The following KLF16 variants were observed in gnomAD, a reference collection of about 807,000 sequenced individuals.
KLF16 encodes the protein KLF transcription factor 16, also known as Krueppel-like factor 16.
In KLF16, 6 loss-of-function variants were observed where a neutral mutation model predicts 6.1. The ratio of observed to expected loss-of-function variants is 0.98; its 90% confidence interval spans 0.54 to 1.93. The LOEUF is 1.93. Among genes scored for constraint, KLF16 ranks in the 30% most tolerant of loss-of-function variants. KLF16 has a pLI of 0.01. For missense variants in KLF16, 355 were observed against 363.8 expected, an observed-to-expected ratio of 0.98 and a Z score of 0.20; for synonymous variants, 211 against 176.5, an observed-to-expected ratio of 1.20 and a Z score of -1.55.
chr19:1,862,760 G>A (rs1248259891), intron 1 of KLF16: 2 of 369,144 alleles, frequency 5.4e-6, no homozygotes, highest in Non-Finnish European at 9.6e-6. Context: ...GGAGAGAGGT[G>A]GTCTGCCCAG....
chr19:1,859,801 G>C (rs2012026723), intron 1 of KLF16, among the ~76,000 whole-genome samples: 1 of 152,172 alleles, frequency 6.6e-6, no homozygotes, highest in Admixed American at 6.5e-5. Flanking sequence ...TTCAGAGTGG[G>C]ATACAACTGG....
chr19:1,873,215 G>T, the KLF16 span, among the ~76,000 whole-genome samples: 18 of 152,182 alleles, frequency 1.2e-4, no homozygotes, highest in African/African-American at 4.1e-4. Context: ...CAGCCACAGC[G>T]TCATAAGAGC....
chr19:1,868,485 T>A (rs1423326419), upstream of KLF16, among the ~76,000 whole-genome samples: 28 of 78,028 alleles, frequency 3.6e-4, 2 homozygotes, highest in African/African-American at 5.6e-4. Flanking sequence ...TTTTTTTTTT[T>A]TTTTTTTTTT....
At chr19:1,855,448 G>A (rs1336257414) in intron 1 of KLF16, among the ~76,000 whole-genome samples, 1 of 152,110 alleles carries the variant, frequency 6.6e-6, no homozygotes, top group Non-Finnish European at 1.5e-5. Context: ...CCCGGGAAGG[G>A]GCGGGGCCCG....
chr19:1,854,454 G>C lies in KLF16; in HGVS notation c.*5C>G, dbSNP rs1217899070. On this transcript the variant is annotated 3_prime_UTR_variant, in exon 2 of 2. Coordinates refer to ENST00000250916, the MANE Select transcript of KLF16 (RefSeq NM_031918.4). The stretch of plus-strand genomic sequence containing the variant: ...CTGGCGGTCAGGGTGGGCTGCACGA[G>C]GGCCCTACAGGCCTGCGGGGGCTGG... 2.1e-6 allele frequency: 3 copies of C among 1,399,044 alleles called. No individual in the cohort carries two copies. The highest frequency in any genetic ancestry group is 3.6e-5 in the Admixed American group (1 of 28,020). The allele number at this position is 1,399,044 out of a possible 1,614,324, so 86.7% of individuals were successfully genotyped here.
At chr19:1,874,356 A>G in the KLF16 span, among the ~76,000 whole-genome samples, 4 of 152,212 alleles carry the variant, frequency 2.6e-5, no homozygotes, top group African/African-American at 9.7e-5. Context: ...CCATAAAGAC[A>G]GCACTTCAGT....
At chr19:1,872,168 T>C in the KLF16 span, among the ~76,000 whole-genome samples, 1 of 152,160 alleles carries the variant, frequency 6.6e-6, no homozygotes, top group African/African-American at 2.4e-5. Context: ...TCTTGCTGTG[T>C]TGCCCAGGCT....
chr19:1,867,454 G>A (rs1177172652), upstream of KLF16, among the ~76,000 whole-genome samples: 1 of 152,200 alleles, frequency 6.6e-6, no homozygotes, highest in Non-Finnish European at 1.5e-5. Flanking sequence ...GCACGCCTGT[G>A]GTCCCAGCTC....
At chr19:1,862,892 A>G (rs2012097704) in intron 1 of KLF16, 149 bp downstream of exon 1, 1 of 208,468 alleles carries the variant, frequency 4.8e-6, no homozygotes, top group African/African-American at 2.6e-5. Flanking sequence ...CGCCCCACCC[A>G]CCGAGGCCCC....
At chr19:1,864,532 C>T (rs1053147589), upstream of KLF16, among the ~76,000 whole-genome samples, 1 of 152,102 alleles carries the variant, frequency 6.6e-6, no homozygotes, top group Admixed American at 6.5e-5. Flanking sequence ...CCGGTTGGGT[C>T]CCAGAGGGTC....
At chr19:1,869,420 C>T in the KLF16 span, among the ~76,000 whole-genome samples, 1 of 152,114 alleles carries the variant, frequency 6.6e-6, no homozygotes, top group Admixed American at 6.5e-5. Flanking sequence ...GCGGAGGTTG[C>T]AGTGAACCAA....
At chr19:1,874,831 A>G in the KLF16 span, 3 of 151,036 alleles carry the variant, frequency 2.0e-5, no homozygotes, top group Non-Finnish European at 4.4e-5. Context: ...GCACCTAGAA[A>G]CCACCACCAT....
At position 1,852,748 on chromosome 19, in the gene KLF16, C is replaced by T. The variant is rs960877196; in HGVS notation, c.*1711G>A. ...CACCCCCACAGACTAAGGCATCTCA[C>T]TAGCGCTGCCAGAAGAGGGTTTGAG... On this transcript the variant is annotated 3_prime_UTR_variant, in exon 2 of 2. Transcript: ENST00000250916. 6.6e-6 allele frequency: 1 copy of T among 152,132 alleles called. No homozygotes were observed. Among genetic ancestry groups the T allele is most frequent in the Non-Finnish European group, 1.5e-5 (1 of 68,134 alleles). The allele number at this position is 152,132 out of a possible 1,614,324, so 9.4% of individuals were successfully genotyped here.
At chr19:1,859,514 G>A (rs944698144) in intron 1 of KLF16, among the ~76,000 whole-genome samples, 2 of 151,968 alleles carry the variant, frequency 1.3e-5, no homozygotes, top group South Asian at 4.2e-4. Flanking sequence ...CCCCACCCTC[G>A]GGATTAAGTG....
At chr19:1,869,163 C>CA in the KLF16 span, among the ~76,000 whole-genome samples, 2 of 152,316 alleles carry the variant, frequency 1.3e-5, no homozygotes, top group East Asian at 3.9e-4. Context: ...GTTTCACTGT[C>CA]AGAGCTGTAC....
intron 1 of KLF16, among the ~76,000 whole-genome samples, chr19:1,855,008 C>T (rs974999111): frequency 3.9e-5 from 6 of 152,156 alleles, no homozygotes; most frequent in Non-Finnish European, 7.4e-5. Context: ...GACTCTCCGG[C>T]GAGCCCAGAA....
At chr19:1,872,413 G>T in the KLF16 span, among the ~76,000 whole-genome samples, 2 of 152,206 alleles carry the variant, frequency 1.3e-5, no homozygotes, top group Admixed American at 1.3e-4. Context: ...TTACAGGCGT[G>T]AGCCACCGCG....
Position 1,863,123 on chromosome 19 carries a change from C to T in KLF16, c.375G>A (p.Lys125=). Residue 125 remains lysine (K), a synonymous_variant, in exon 1 of 2, where the codon AAG becomes AAA. Transcript: ENST00000250916. Reference sequence around the variant, plus strand: ...AGTCCGGGAAGGGACAGCGGTGGCTCTTGGCGGCGGCGGAGGGCGCGGCGC... The same window carrying T: ...AGTCCGGGAAGGGACAGCGGTGGCTTTTGGCGGCGGCGGAGGGCGCGGCGC... ...APGAAPSAAA[K]SHRCPFPDCA... 2 of 1,351,544 alleles carry T rather than the reference C, an allele frequency of 1.5e-6. No individual in the cohort carries two copies. The highest frequency in any genetic ancestry group is 1.6e-5 in the South Asian group (1 of 63,872). The allele number at this position is 1,351,544 out of a possible 1,614,324, so 83.7% of individuals were successfully genotyped here.
Position 1,863,134 on chromosome 19 carries a change from C to T in KLF16, c.364G>A (p.Ala122Thr). The T allele has an allele frequency of 2.2e-6, 3 of 1,335,174 alleles. No homozygotes were observed. Among genetic ancestry groups the T allele is most frequent in the Non-Finnish European group, 2.9e-6 (3 of 1,024,866 alleles). The allele number at this position is 1,335,174 out of a possible 1,614,324, so 82.7% of individuals were successfully genotyped here. A position where few individuals can be genotyped will look rare whatever the true frequency, so the allele number is the denominator to read the frequency against. ...SGRAPGAAPS[A>T]AAKSHRCPFP... ...GGACAGCGGTGGCTCTTGGCGGCGG[C>T]GGAGGGCGCGGCGCCGGGGGCGCGG... Residue 122 changes from alanine (A) to threonine (T), a missense_variant, in exon 1 of 2, where the codon GCC becomes ACC. Ala to Thr is a moderately conservative substitution (Grantham distance 58, BLOSUM62 0). Coordinates refer to ENST00000250916, the MANE Select transcript of KLF16 (RefSeq NM_031918.4).
Sources: allele counts gnomAD v4.1 joint callset (sites outside exome capture counted in the v4.1 genomes callset), GRCh38; gene constraint gnomAD v4.1.1; transcripts MANE v1.5; gene names NCBI Gene and HGNC (gene_info 2026-07-23, HGNC 2026-07-21).